Variants in SDK1 observed in about 807,000 individuals in gnomAD.
SDK1 encodes sidekick cell adhesion molecule 1, also known as protein sidekick-1.
SDK1 carries 157 observed loss-of-function variants against 245.5 expected under a neutral mutation model. That is an observed-to-expected ratio of 0.64 (90% CI 0.56 to 0.73). The LOEUF (loss-of-function observed/expected upper bound fraction) is 0.73. Ranked by LOEUF, SDK1 falls within the 30% of genes least tolerant of loss-of-function variation. The pLI, the probability that SDK1 is intolerant of heterozygous loss-of-function variation, is 0.00. For synonymous variants in SDK1, 1,647 were observed against 1,278.5 expected (o/e 1.29, Z -6.15); for missense variants, 3,583 against 3,002.3 (o/e 1.19, Z -4.52).
At chr7:4,179,333 T>TA (rs1272618145) in intron 35 of SDK1, 2 of 151,742 alleles carry the variant, frequency 1.3e-5, no homozygotes, top group African/African-American at 2.4e-5. Context: ...CCGGAATAAT[T>TA]AGAGTGTCCC....
intron 29 of SDK1, among the ~76,000 whole-genome samples, chr7:4,147,193 T>C (rs1401747537): frequency 6.6e-6 from 1 of 152,222 alleles, no homozygotes; most frequent in Non-Finnish European, 1.5e-5. Context: ...TTTGTTTTTT[T>C]ATTTTTGAAA....
At chr7:3,589,666 G>C (rs1188327467) in intron 1 of SDK1, among the ~76,000 whole-genome samples, 1 of 152,178 alleles carries the variant, frequency 6.6e-6, no homozygotes, top group East Asian at 1.9e-4. Flanking sequence ...AGCATGTGCA[G>C]AGGAACTGCC....
chr7:3,894,164 C>A (rs1311616981), intron 5 of SDK1, among the ~76,000 whole-genome samples: 2 of 152,142 alleles, frequency 1.3e-5, no homozygotes, highest in African/African-American at 4.8e-5. Context: ...ATATATATAT[C>A]ATAAATAATC....
At chr7:3,848,846 A>AT (rs1293392663) in intron 5 of SDK1, among the ~76,000 whole-genome samples, 2 of 151,876 alleles carry the variant, frequency 1.3e-5, no homozygotes, top group Non-Finnish European at 2.9e-5. Context: ...AAATTTTTGT[A>AT]TTTTTAGTAG....
chr7:3,789,968 A>C (rs889873056), intron 4 of SDK1, among the ~76,000 whole-genome samples: 1 of 152,152 alleles, frequency 6.6e-6, no homozygotes, highest in East Asian at 1.9e-4. Context: ...GTTTACACAC[A>C]GCATGGTCGC....
rs575704941 is a variant in SDK1, at chr7:3,854,441, C to G, written c.847+32858C>G. Among the ~76,000 whole-genome samples the G allele has an allele frequency of 7.2e-5, 11 of 152,352 alleles. No individual in the cohort carries two copies. In the South Asian group the frequency reaches 1.9e-3, roughly 26 times the overall value. ...CTAAATGTTAATGATTGCCCCCTGTCTCATTTCCTTACCTGAAATCTCAAT... is the reference window on the plus strand; with the variant it reads ...CTAAATGTTAATGATTGCCCCCTGTGTCATTTCCTTACCTGAAATCTCAAT... On this transcript the variant is annotated intron_variant, in intron 5 of 44. Coordinates refer to ENST00000404826, the MANE Select transcript of SDK1 (RefSeq NM_152744.4).
At chr7:3,539,817 A>G (rs1172702972) in intron 1 of SDK1, among the ~76,000 whole-genome samples, 1 of 152,194 alleles carries the variant, frequency 6.6e-6, no homozygotes, top group Non-Finnish European at 1.5e-5. Flanking sequence ...ATGAAAGAAT[A>G]AACACTGCCC....
intron 1 of SDK1, among the ~76,000 whole-genome samples, chr7:3,315,709 T>A (rs1388031972): frequency 6.6e-6 from 1 of 152,192 alleles, no homozygotes; most frequent in African/African-American, 2.4e-5. Flanking sequence ...TTTTTAAAAA[T>A]TATGAAAGCA....
At chr7:3,668,387 T>C (rs1222705570) in intron 4 of SDK1, among the ~76,000 whole-genome samples, 2 of 152,196 alleles carry the variant, frequency 1.3e-5, no homozygotes, top group Non-Finnish European at 2.9e-5. Context: ...CCAGTTCCTT[T>C]CTACATGGAC....
rs111651010 is a variant in SDK1 at position 3,601,494 on chromosome 7, A to T, written c.299-17586A>T. ...TGGGTTTCTATCTTCTAAGCTGTTA[A>T]ATTTGTGAGCTTAAAGTTGTTCATA... On this transcript the variant is annotated intron_variant, in intron 1 of 44. Coordinates refer to ENST00000404826, the MANE Select transcript of SDK1 (RefSeq NM_152744.4). Among the ~76,000 whole-genome samples, 1,097 of 151,944 alleles carry T rather than the reference A, an allele frequency of 7.2e-3. 16 individuals are homozygous for T. Among genetic ancestry groups the T allele is most frequent in the African/African-American group, 0.025 (1,034 of 41,472 alleles).
In SDK1 at chr7:3,951,903, C is replaced by G. The variant is rs372927239; in HGVS notation, c.1133C>G (p.Ala378Gly). ...GSAFEPARAT[A>G]FLFIIEPPYF... ...GCTTTTGAACCGGCCAGGGCGACGG[C>G]CTTTCTTTTCATCATAGGTAATGCG... Residue 378 changes from alanine (A) to glycine (G), a missense_variant, in exon 7 of 45, where the codon GCC (alanine) becomes GGC (glycine). Ala to Gly is a moderately conservative substitution (Grantham distance 60). Coordinates refer to ENST00000404826, the MANE Select transcript of SDK1 (RefSeq NM_152744.4). 1.4e-5 allele frequency: 22 copies of G among 1,612,768 alleles called. No homozygotes were observed. Among genetic ancestry groups the G allele is most frequent in the Non-Finnish European group, 1.8e-5 (21 of 1,179,912 alleles).
chr7:3,891,140 T>A (rs1781448187), intron 5 of SDK1, among the ~76,000 whole-genome samples: 1 of 151,992 alleles, frequency 6.6e-6, no homozygotes. Flanking sequence ...ATAAGCCCAG[T>A]GGTACTTCCA....
At chr7:3,546,033 T>A (rs1486880239) in intron 1 of SDK1, among the ~76,000 whole-genome samples, 1 of 152,200 alleles carries the variant, frequency 6.6e-6, no homozygotes, top group African/African-American at 2.4e-5. Context: ...TTGCTGAAAA[T>A]AATTACACAA....
intron 1 of SDK1, among the ~76,000 whole-genome samples, chr7:3,448,068 C>A (rs115837328): frequency 6.6e-6 from 1 of 152,104 alleles, no homozygotes; most frequent in Non-Finnish European, 1.5e-5. Flanking sequence ...GATAATGGGA[C>A]TGACAGTTCA....
chr7:3,690,112 A>T (rs1254373525), intron 4 of SDK1, among the ~76,000 whole-genome samples: 1 of 152,210 alleles, frequency 6.6e-6, no homozygotes, highest in Non-Finnish European at 1.5e-5. Context: ...TATGACACAG[A>T]ACAGATCGAA....
chr7:3,860,746 C>A (rs1016368564), intron 5 of SDK1, among the ~76,000 whole-genome samples: 5 of 152,098 alleles, frequency 3.3e-5, no homozygotes, highest in African/African-American at 1.2e-4. Flanking sequence ...TTTTTTGCCA[C>A]AAGTAGCTAT....
At chr7:4,011,754 C>T (rs555543981) in intron 15 of SDK1, among the ~76,000 whole-genome samples, 14 of 152,170 alleles carry the variant, frequency 9.2e-5, no homozygotes, top group Middle Eastern at 3.4e-3. Context: ...TTGAAAGAGC[C>T]GGAGAAAACA....
chr7:3,667,544 C>A (rs1783572171), intron 4 of SDK1, among the ~76,000 whole-genome samples: 1 of 152,162 alleles, frequency 6.6e-6, no homozygotes, highest in African/African-American at 2.4e-5. Context: ...CTACCACAAT[C>A]ATAAAATATA....
intron 39 of SDK1, 120 bp downstream of exon 39, chr7:4,220,390 C>T (rs768638816): frequency 4.7e-5 from 52 of 1,107,516 alleles, no homozygotes; most frequent in Middle Eastern, 3.1e-4. Flanking sequence ...CAAGAGCTGG[C>T]ATCAACTCGG....
Sources: gnomAD v4.1 joint callset for allele counts (sites outside exome capture counted in the v4.1 genomes callset) on GRCh38, gnomAD v4.1.1 for gene constraint, MANE v1.5 for transcripts, NCBI Gene and HGNC (gene_info 2026-07-23, HGNC 2026-07-21) for gene names.